Variants in WWOX observed in about 807,000 individuals in gnomAD.
WWOX encodes the protein WW domain containing oxidoreductase.
WWOX carries 69 observed loss-of-function variants against 46.2 expected under a neutral mutation model. The observed-to-expected ratio is 1.49, with a 90% CI of 1.23 to 1.82. The LOEUF is 1.82. Among genes scored for constraint, WWOX ranks in the 40% most tolerant of loss-of-function variants. The pLI is 0.00. For missense variants in WWOX, 919 were observed against 542.6 expected, an observed-to-expected ratio of 1.69 and a Z score of -6.89; for synonymous variants, 359 against 202.6, an observed-to-expected ratio of 1.77 and a Z score of -6.56.
intron 8 of WWOX, among the ~76,000 whole-genome samples, chr16:78,659,598 C>T (rs991511188): frequency 3.3e-5 from 5 of 152,146 alleles, no homozygotes; most frequent in African/African-American, 1.2e-4. Flanking sequence ...TTCCAAAGTG[C>T]ACTTGCTTTG....
chr16:78,701,298 A>G (rs2048211084), intron 8 of WWOX, among the ~76,000 whole-genome samples: 1 of 152,048 alleles, frequency 6.6e-6, no homozygotes, highest in South Asian at 2.1e-4. Context: ...GCTGATCTCA[A>G]ACTCCTAAGC....
intron 6 of WWOX, among the ~76,000 whole-genome samples, chr16:78,423,634 C>T (rs2083004475): frequency 6.6e-6 from 1 of 151,972 alleles, no homozygotes; most frequent in Non-Finnish European, 1.5e-5. Context: ...TCAAGACCAC[C>T]TTGACCACCT....
At chr16:78,600,328 C>G (rs1009414376) in intron 8 of WWOX, among the ~76,000 whole-genome samples, 4 of 151,966 alleles carry the variant, frequency 2.6e-5, no homozygotes, top group Admixed American at 2.6e-4. Flanking sequence ...AGAAACAGAC[C>G]AAGTAGAGAC....
intron 8 of WWOX, among the ~76,000 whole-genome samples, chr16:78,957,406 C>T (rs1452507363): frequency 6.6e-6 from 1 of 152,146 alleles, no homozygotes; most frequent in Non-Finnish European, 1.5e-5. Context: ...TAAAAACACC[C>T]ACAAATGTGA....
intron 8 of WWOX, among the ~76,000 whole-genome samples, chr16:78,585,401 C>T (rs1298079063): frequency 3.9e-5 from 6 of 152,162 alleles, no homozygotes; most frequent in African/African-American, 1.4e-4. Context: ...CGGCCACTTA[C>T]TTGTGGGGTT....
chr16:78,679,534 G>C (rs183065205), intron 8 of WWOX, among the ~76,000 whole-genome samples: 1 of 152,102 alleles, frequency 6.6e-6, no homozygotes, highest in Non-Finnish European at 1.5e-5. Flanking sequence ...CTGGGTGACA[G>C]AGTGAGACTC....
chr16:78,540,677 T>C (rs1157201062), intron 8 of WWOX, among the ~76,000 whole-genome samples: 1 of 151,868 alleles, frequency 6.6e-6, no homozygotes, highest in Non-Finnish European at 1.5e-5. Flanking sequence ...CTGCAAATTT[T>C]ATCTAGTGGA....
chr16:78,378,431 A>T (rs1486680686), intron 5 of WWOX, among the ~76,000 whole-genome samples: 1 of 152,176 alleles, frequency 6.6e-6, no homozygotes. Flanking sequence ...AATGAAAGCA[A>T]CTGTGTCCCC....
intron 8 of WWOX, among the ~76,000 whole-genome samples, chr16:79,132,828 G>A (rs1328087238): frequency 6.6e-6 from 1 of 152,132 alleles, no homozygotes. Context: ...CAATTATTTA[G>A]GTGGCCAAGA....
intron 5 of WWOX, among the ~76,000 whole-genome samples, chr16:78,296,361 C>T (rs774530466): frequency 1.9e-4 from 29 of 151,830 alleles, no homozygotes; most frequent in Non-Finnish European, 4.1e-4. Context: ...CTCCCCTTGC[C>T]TTTTTGCATG....
At chr16:78,642,659 T>G (rs2046748400) in intron 8 of WWOX, among the ~76,000 whole-genome samples, 1 of 152,164 alleles carries the variant, frequency 6.6e-6, no homozygotes, top group African/African-American at 2.4e-5. Context: ...CCTTTCATGT[T>G]TCCCTTCTTT....
chr16:78,463,418 C>G (rs1022034002), intron 8 of WWOX, among the ~76,000 whole-genome samples: 1 of 152,198 alleles, frequency 6.6e-6, no homozygotes, highest in Non-Finnish European at 1.5e-5. Flanking sequence ...GGAGATATTT[C>G]CATGCCTCGC....
At chr16:78,442,222 C>G (rs1029863741) in intron 8 of WWOX, among the ~76,000 whole-genome samples, 1 of 152,158 alleles carries the variant, frequency 6.6e-6, no homozygotes, top group South Asian at 2.1e-4. Context: ...CTACCACAAT[C>G]AAGCTAATTA....
chr16:78,734,984 G>C (rs1239171057), intron 8 of WWOX, among the ~76,000 whole-genome samples: 1 of 148,368 alleles, frequency 6.7e-6, no homozygotes, highest in Non-Finnish European at 1.5e-5. Context: ...TCCTGCCTCA[G>C]CCTTCCCGAG....
intron 8 of WWOX, among the ~76,000 whole-genome samples, chr16:79,179,780 T>G (rs2050873464): frequency 6.6e-6 from 1 of 152,218 alleles, no homozygotes; most frequent in South Asian, 2.1e-4. Context: ...TTGAATCCCT[T>G]AACTCCTTGG....
chr16:78,235,217 G>C (rs1362132363), intron 5 of WWOX, among the ~76,000 whole-genome samples: 1 of 152,160 alleles, frequency 6.6e-6, no homozygotes, highest in African/African-American at 2.4e-5. Context: ...TCTTCAAACA[G>C]CTCAGTACTT....
chr16:78,979,219 C>G (rs1318888711), intron 8 of WWOX, among the ~76,000 whole-genome samples: 1 of 151,738 alleles, frequency 6.6e-6, no homozygotes, highest in African/African-American at 2.4e-5. Context: ...TATTAGAGAA[C>G]ATTTGGAAAA....
chr16:78,677,362 C>G (rs2047626063), intron 8 of WWOX, among the ~76,000 whole-genome samples: 1 of 152,198 alleles, frequency 6.6e-6, no homozygotes, highest in East Asian at 1.9e-4. Context: ...ATCCTGAAAA[C>G]ACTGTTTAAA....
intron 8 of WWOX, among the ~76,000 whole-genome samples, chr16:78,962,684 A>G (rs1160724099): frequency 6.6e-6 from 1 of 152,208 alleles, no homozygotes. Flanking sequence ...GTGCACACAC[A>G]TTAAATGTAC....
Sources: gnomAD v4.1 joint callset for allele counts (sites outside exome capture counted in the v4.1 genomes callset) on GRCh38, gnomAD v4.1.1 for gene constraint, MANE v1.5 for transcripts, NCBI Gene and HGNC (gene_info 2026-07-23, HGNC 2026-07-21) for gene names.